The following FANCI variants were observed in gnomAD, a reference collection of about 807,000 sequenced individuals.
The protein encoded by FANCI is FA complementation group I, also known as Fanconi anemia group I protein.
A neutral mutation model predicts 176.1 loss-of-function variants in FANCI; 156 were observed. The observed-to-expected ratio is 0.89, with a 90% CI of 0.78 to 1.01. The LOEUF (loss-of-function observed/expected upper bound fraction) is 1.01, where lower values mean the gene tolerates loss of function less well. Among genes scored for constraint, FANCI ranks in the 50% least tolerant of loss-of-function variants. FANCI has a pLI of 0.00. For missense variants in FANCI, 1,678 were observed against 1,534.1 expected, an observed-to-expected ratio of 1.09 and a Z score of -1.57; for synonymous variants, 613 against 541.7, an observed-to-expected ratio of 1.13 and a Z score of -1.83.
At chr15:89,260,113 GTTA>G (rs1215821705) in intron 3 of FANCI, among the ~76,000 whole-genome samples, 1 of 151,714 alleles carries the variant, frequency 6.6e-6, no homozygotes, top group African/African-American at 2.4e-5. Flanking sequence ...ATCAACACTT[GTTA>G]TTATCTTTTT....
intron 14 of FANCI, among the ~76,000 whole-genome samples, chr15:89,279,601 G>A (rs1453676992): frequency 2.0e-5 from 3 of 152,160 alleles, no homozygotes; most frequent in Non-Finnish European, 2.9e-5. Flanking sequence ...TACTGTAAGA[G>A]TCTGCTTCTT....
In FANCI at chr15:89,295,032, T is replaced by C; in HGVS notation, c.2574T>C (p.His858=). 1.9e-6 allele frequency: 3 copies of C among 1,552,248 alleles called. No individual in the cohort carries two copies. The highest frequency in any genetic ancestry group is 2.6e-6 in the Non-Finnish European group (3 of 1,147,118). The change falls in exon 24 of 38, where the codon CAT becomes CAC. Residue 858 remains histidine, a synonymous_variant. Coordinates refer to ENST00000310775, the MANE Select transcript of FANCI (RefSeq NM_001113378.2). ...QKVQQLKETG[H]VSGPDGQNPE... ...TACAGCAGCTAAAGGAAACAGGGCA[T>C]GTGAGTGGCCCTGATGGCCAAAACC...
In FANCI at chr15:89,261,925, GA is replaced by G. The variant is rs761845328; in HGVS notation, c.503+55del. 16 of 1,550,532 alleles carry G rather than the reference GA, an allele frequency of 1.0e-5. 1 individual carries two copies. Among genetic ancestry groups the G allele is most frequent in the African/African-American group, 5.5e-5 (4 of 72,294 alleles). On this transcript the variant is annotated intron_variant, in intron 6 of 37. Coordinates refer to ENST00000310775, the MANE Select transcript of FANCI (RefSeq NM_001113378.2). ...AACTTTCTTAGGAATACAAGTGGCG[GA>G]AAAAAAACCACTTTATTTCAGGAAT...
intron 34 of FANCI, among the ~76,000 whole-genome samples, chr15:89,312,467 G>T (rs953991124): frequency 5.9e-5 from 9 of 152,182 alleles, no homozygotes; most frequent in African/African-American, 1.9e-4. Flanking sequence ...CTGTTGCACA[G>T]ATAGTCCTGT....
At chr15:89,281,146 C>G (rs764664036) in intron 14 of FANCI, 24 bp from the exon 15 acceptor site, 4 of 1,611,122 alleles carry the variant, frequency 2.5e-6, no homozygotes, top group Admixed American at 1.7e-5. Context: ...TTTGAGACAA[C>G]TGATTATAGA....
chr15:89,273,179 G>C (rs775134627), intron 10 of FANCI, among the ~76,000 whole-genome samples, 198 bp from the exon 11 acceptor site: 5 of 151,706 alleles, frequency 3.3e-5, no homozygotes, highest in Admixed American at 6.6e-5. Flanking sequence ...GCCAGGCATG[G>C]TATAGTCCCA....
intron 34 of FANCI, among the ~76,000 whole-genome samples, chr15:89,309,673 T>C (rs974332946): frequency 1.3e-5 from 2 of 152,190 alleles, no homozygotes; most frequent in Admixed American, 6.5e-5. Flanking sequence ...CAGTGAGCCA[T>C]GATCATGCCA....
chr15:89,307,609 G>A lies in FANCI; in HGVS notation c.3592-4G>A, dbSNP rs778486323. The stretch of plus-strand genomic sequence containing the variant: ...CATTGGTTTCCTTCTCCCTTGTTGT[G>A]CAGGTGAAGCTGTCTGGTTCTCATC... On this transcript the variant is annotated splice_polypyrimidine_tract_variant and splice_region_variant and intron_variant, in intron 33 of 37. Coordinates refer to ENST00000310775, the MANE Select transcript of FANCI (RefSeq NM_001113378.2). 2 of 1,614,164 alleles carry A rather than the reference G, an allele frequency of 1.2e-6. No homozygotes were observed. Among genetic ancestry groups the A allele is most frequent in the South Asian group, 1.1e-5 (1 of 91,070 alleles).
chr15:89,247,465 T>TAAG, intron 1 of FANCI, 164 bp from the exon 2 acceptor site: 1 of 623,046 alleles, frequency 1.6e-6, no homozygotes, highest in East Asian at 2.7e-5. Flanking sequence ...CCACTGAGCT[T>TAAG]AAGAAGAAGA....
rs369811038 is a variant in FANCI at position 89,292,878 on chromosome 15, C to T, written c.2169+14C>T. 1 of 1,613,882 alleles carries T rather than the reference C, an allele frequency of 6.2e-7. No homozygotes were observed. The highest frequency in any genetic ancestry group is 1.3e-5 in the African/African-American group (1 of 74,882). Reference sequence around the variant, plus strand: ...GACTTTGAACTGGTAATTGCTAAGTCCTCAGCTGTATTGAATGATGGAGTT... The same window carrying T: ...GACTTTGAACTGGTAATTGCTAAGTTCTCAGCTGTATTGAATGATGGAGTT... On this transcript the variant is annotated intron_variant, in intron 21 of 37. Transcript: ENST00000310775.
rs371788349 is a variant in FANCI, at chr15:89,305,245, A to G, written c.3186+3A>G. On this transcript the variant is annotated splice_donor_region_variant and intron_variant, in intron 29 of 37. Transcript: ENST00000310775. ...GGCATCTGGGAGATATAGACCAGGT[A>G]CTATAATGAGCCTTCAGTACAATAC... is the stretch of plus-strand genomic sequence containing the variant. 100 of 1,614,118 alleles carry G rather than the reference A, an allele frequency of 6.2e-5. No individual in the cohort carries two copies. The highest frequency in any genetic ancestry group is 7.8e-5 in the Non-Finnish European group (92 of 1,180,050).
intron 10 of FANCI, among the ~76,000 whole-genome samples, chr15:89,270,314 A>G (rs1384349266): frequency 6.6e-6 from 1 of 152,168 alleles, no homozygotes; most frequent in East Asian, 1.9e-4. Flanking sequence ...CTTTTAAGAA[A>G]ATGACCATTG....
chr15:89,278,590 C>T, intron 13 of FANCI, 97 bp from the exon 14 acceptor site: 1 of 839,382 alleles, frequency 1.2e-6, no homozygotes, highest in South Asian at 1.4e-5. Flanking sequence ...GAGTTTTACT[C>T]ATATCCAAAC....
chr15:89,307,695 C>A, intron 34 of FANCI, 23 bp downstream of exon 34: 2 of 1,614,014 alleles, frequency 1.2e-6, no homozygotes, highest in Non-Finnish European at 1.7e-6. Flanking sequence ...GAGGCAGTAC[C>A]CAATAGGTCT....
chr15:89,293,708 A>G (rs1035705442), intron 22 of FANCI, 125 bp from the exon 23 acceptor site: 2 of 983,704 alleles, frequency 2.0e-6, no homozygotes, highest in African/African-American at 3.2e-5. Context: ...ATGAAGTTCT[A>G]TTCATTTATA....
rs769457531 is a variant in FANCI, at chr15:89,306,202, T to C, written c.3537+8T>C. ...ACAGCCCTTGTCAGATATGTGAGTA[T>C]TTGAGACAAGCAGATTCGCCCCACC... is the stretch of plus-strand genomic sequence containing the variant. On this transcript the variant is annotated splice_region_variant and intron_variant, in intron 32 of 37. Coordinates refer to ENST00000310775, the MANE Select transcript of FANCI (RefSeq NM_001113378.2). The C allele has an allele frequency of 2.5e-6, 4 of 1,614,002 alleles. No homozygotes were observed. Among genetic ancestry groups the C allele is most frequent in the Non-Finnish European group, 2.5e-6 (3 of 1,179,938 alleles).
chr15:89,285,915 C>G (rs1167119100), intron 18 of FANCI, among the ~76,000 whole-genome samples: 1 of 152,044 alleles, frequency 6.6e-6, no homozygotes, highest in African/African-American at 2.4e-5. Flanking sequence ...TCTCTTTTTA[C>G]AATTGTGTTA....
At chr15:89,282,773 G>C in intron 16 of FANCI, 1 of 328,308 alleles carries the variant, frequency 3.0e-6, no homozygotes, top group Non-Finnish European at 6.0e-6. Context: ...TGATGAAAGA[G>C]AGCATATGAA....
intron 2 of FANCI, among the ~76,000 whole-genome samples, chr15:89,252,489 C>T (rs761178221): frequency 6.6e-6 from 1 of 152,044 alleles, no homozygotes; most frequent in Non-Finnish European, 1.5e-5. Flanking sequence ...CCTGTAATCC[C>T]AGCACTTTGG....
Sources: allele counts gnomAD v4.1 joint callset (sites outside exome capture counted in the v4.1 genomes callset), GRCh38; gene constraint gnomAD v4.1.1; transcripts MANE v1.5; gene names NCBI Gene and HGNC (gene_info 2026-07-23, HGNC 2026-07-21).